ACOT12: variants seen among roughly 807,000 people sequenced by gnomAD.
ACOT12 encodes the protein acyl-CoA thioesterase 12, also known as acetyl-coenzyme A thioesterase.
In ACOT12, 51 loss-of-function variants were observed where a neutral mutation model predicts 67.7. The observed-to-expected ratio is 0.75, with a 90% CI of 0.60 to 0.95. The LOEUF is 0.95. Among genes scored for constraint, ACOT12 ranks in the 40% least tolerant of loss-of-function variants. The pLI is 0.00. For synonymous variants in ACOT12, 251 were observed against 244.6 expected, an observed-to-expected ratio of 1.03 and a Z score of -0.24; for missense variants, 734 against 708.1, an observed-to-expected ratio of 1.04 and a Z score of -0.41.
chr5:81,342,630 G>A, intron 11 of ACOT12, 42 bp downstream of exon 11: 1 of 1,598,894 alleles, frequency 6.3e-7, no homozygotes, highest in Non-Finnish European at 8.6e-7. Flanking sequence ...GCTTTCGTTT[G>A]TGATGGGCGA....
chr5:81,324,980 A>G, the ACOT12 span, among the ~76,000 whole-genome samples: 12 of 152,208 alleles, frequency 7.9e-5, no homozygotes, highest in Non-Finnish European at 1.6e-4. Context: ...ATGCATCCAG[A>G]AAAAGTATCG....
intron 2 of ACOT12, among the ~76,000 whole-genome samples, chr5:81,374,796 G>T (rs1760359617): frequency 1.3e-5 from 2 of 152,140 alleles, no homozygotes; most frequent in African/African-American, 4.8e-5. Context: ...AGAGAGAAAA[G>T]AATGAAAATA....
At chr5:81,387,701 T>A (rs1448219915) in intron 1 of ACOT12, among the ~76,000 whole-genome samples, 2 of 152,152 alleles carry the variant, frequency 1.3e-5, no homozygotes, top group African/African-American at 2.4e-5. Flanking sequence ...AGCTAACTTT[T>A]AAAAAATTGT....
intron 11 of ACOT12, among the ~76,000 whole-genome samples, chr5:81,340,338 G>A (rs1759153129): frequency 1.3e-5 from 2 of 150,422 alleles, no homozygotes; most frequent in Non-Finnish European, 3.0e-5. Flanking sequence ...CGCCTGCCCA[G>A]AAAGTATGAT....
chr5:81,323,732 T>G, the ACOT12 span, among the ~76,000 whole-genome samples: 3 of 151,762 alleles, frequency 2.0e-5, no homozygotes, highest in African/African-American at 7.2e-5. Context: ...AGGAGAAATG[T>G]GACATGATCA....
At position 81,344,923 on chromosome 5, in the gene ACOT12, T is replaced by A. The variant is rs745767657; in HGVS notation, c.892A>T (p.Ile298Phe). Residue 298 changes from isoleucine (I) to phenylalanine (F), a missense_variant, in exon 8 of 15, where the codon ATC (isoleucine) becomes TTC (phenylalanine). Ile to Phe is a conservative substitution (Grantham distance 21, BLOSUM62 0). Transcript: ENST00000307624. Reference protein sequence around the residue: ...YNAADDKENLITFPRIQPISK... With the variant: ...YNAADDKENLFTFPRIQPISK... ...ATGGGTTGGATTCTGGGAAACGTGA[T>A]GAGATTTTCCTTATCATCAGCAGCA... 1.2e-6 allele frequency: 2 copies of A among 1,614,040 alleles called. No homozygotes were observed. Among genetic ancestry groups the A allele is most frequent in the African/African-American group, 2.7e-5 (2 of 74,914 alleles).
intron 2 of ACOT12, among the ~76,000 whole-genome samples, chr5:81,376,848 T>C (rs932523010): frequency 2.0e-5 from 3 of 152,114 alleles, no homozygotes; most frequent in Admixed American, 1.3e-4. Context: ...CAGTAATTAA[T>C]AGCCTACCAA....
chr5:81,364,016 T>G, intron 3 of ACOT12, 127 bp from the exon 4 acceptor site: 2 of 483,656 alleles, frequency 4.1e-6, no homozygotes, highest in Non-Finnish European at 6.8e-6. Flanking sequence ...TTTAATTTAT[T>G]TTTAAGCAAT....
chr5:81,335,967 CATATATATGTAG>C, intron 11 of ACOT12, 66 bp from the exon 12 acceptor site: 1 of 1,503,764 alleles, frequency 6.6e-7, no homozygotes, highest in Non-Finnish European at 9.0e-7. Context: ...AAACCATATG[CATATATATGTAG>C]TCATAGACCA....
chr5:81,340,133 G>T (rs1231305627), intron 11 of ACOT12, among the ~76,000 whole-genome samples: 1 of 151,606 alleles, frequency 6.6e-6, no homozygotes, highest in Non-Finnish European at 1.5e-5. Context: ...TGCCTCCCAG[G>T]TTCAAGTGAT....
chr5:81,358,860 A>G (rs1349489093), intron 5 of ACOT12, among the ~76,000 whole-genome samples: 2 of 152,122 alleles, frequency 1.3e-5, no homozygotes, highest in Admixed American at 6.5e-5. Flanking sequence ...AAAGAAAAAA[A>G]AAAAAATCAA....
chr5:81,369,136 A>G (rs2153855854), intron 3 of ACOT12, among the ~76,000 whole-genome samples: 1 of 151,868 alleles, frequency 6.6e-6, no homozygotes, highest in Middle Eastern at 3.4e-3. Context: ...ACTGATTCTT[A>G]AAGACATATT....
intron 2 of ACOT12, among the ~76,000 whole-genome samples, chr5:81,377,443 G>A (rs532221566): frequency 2.6e-5 from 4 of 152,070 alleles, no homozygotes; most frequent in Non-Finnish European, 4.4e-5. Context: ...ACAAGGATGC[G>A]CTCTCTCACC....
chr5:81,384,429 C>T (rs537706506), intron 2 of ACOT12, among the ~76,000 whole-genome samples: 3 of 152,150 alleles, frequency 2.0e-5, no homozygotes, highest in South Asian at 2.1e-4. Context: ...TGAGCCACCA[C>T]GCCTGGCCAG....
chr5:81,345,673 T>G (rs1156648432), intron 7 of ACOT12, among the ~76,000 whole-genome samples: 3 of 151,840 alleles, frequency 2.0e-5, no homozygotes, highest in Middle Eastern at 3.2e-3. Context: ...CGGCTACCCT[T>G]ATAAGACAAA....
At chr5:81,341,575 A>G (rs1759192797) in intron 11 of ACOT12, among the ~76,000 whole-genome samples, 1 of 152,228 alleles carries the variant, frequency 6.6e-6, no homozygotes, top group Non-Finnish European at 1.5e-5. Flanking sequence ...AAATCAGTGC[A>G]TACTGAAATA....
the ACOT12 span, among the ~76,000 whole-genome samples, chr5:81,309,550 C>T: frequency 1.0e-3 from 157 of 152,270 alleles, no homozygotes; most frequent in African/African-American, 3.6e-3. Context: ...TCTATGCGGT[C>T]TAAAGCTTTA....
rs1052387807 is a variant in ACOT12, at chr5:81,386,994, C to CTTTTTTTTTTTTTTTTTTT, written c.128-1169_128-1168insAAAAAAAAAAAAAAAAAAA. 8.6e-5 allele frequency among the ~76,000 whole-genome samples: 11 copies of CTTTTTTTTTTTTTTTTTTT among 128,478 alleles called. 1 individual carries two copies. The highest frequency in any genetic ancestry group is 6.5e-5 in the African/African-American group (2 of 30,800). 84.3% of individuals were successfully genotyped at this position (128,478 alleles called of 152,430 possible). On this transcript the variant is annotated intron_variant, in intron 1 of 14. Coordinates refer to ENST00000307624, the MANE Select transcript of ACOT12 (RefSeq NM_130767.3). ...TCCAGACACTGAGTTGGATGAGTTC[C>CTTTTTTTTTTTTTTTTTTT]ATTTTTTTTTTTTTTTTTTTTTTTC...
chr5:81,372,494 C>T (rs2153856326), intron 2 of ACOT12, among the ~76,000 whole-genome samples: 1 of 152,232 alleles, frequency 6.6e-6, no homozygotes, highest in Admixed American at 6.5e-5. Context: ...AAAGAGGGAT[C>T]TCTTGAGACC....
Sources: allele counts gnomAD v4.1 joint callset (sites outside exome capture counted in the v4.1 genomes callset), GRCh38; gene constraint gnomAD v4.1.1; transcripts MANE v1.5; gene names NCBI Gene and HGNC (gene_info 2026-07-23, HGNC 2026-07-21).